Variants in CNTNAP4 observed in about 807,000 individuals in gnomAD.
The protein encoded by CNTNAP4 is contactin-associated protein-like 4.
A neutral mutation model predicts 148.4 loss-of-function variants in CNTNAP4; 98 were observed. The observed-to-expected ratio is 0.66, with a 90% CI of 0.56 to 0.78. The LOEUF is 0.78. Ranked by LOEUF, CNTNAP4 falls within the 30% of genes least tolerant of loss-of-function variation. The pLI, the probability that CNTNAP4 is intolerant of heterozygous loss-of-function variation, is 0.00. For synonymous variants in CNTNAP4, 730 were observed against 565.1 expected (o/e 1.29, Z -4.14); for missense variants, 1,935 against 1,565.6 (o/e 1.24, Z -3.98).
intron 2 of CNTNAP4, among the ~76,000 whole-genome samples, chr16:76,349,015 C>G (rs954260167): frequency 6.6e-6 from 1 of 151,808 alleles, no homozygotes; most frequent in Non-Finnish European, 1.5e-5. Context: ...AAGCGGTGAC[C>G]GTGAGAAGGA....
At chr16:76,491,856 G>GT (rs1948108550) in intron 13 of CNTNAP4, among the ~76,000 whole-genome samples, 5 of 16,188 alleles carry the variant, frequency 3.1e-4, no homozygotes, top group Middle Eastern at 0.056. Context: ...ATATCCCATT[G>GT]TGTGTGTGTG....
At chr16:76,333,282 T>C (rs374708422) in intron 2 of CNTNAP4, among the ~76,000 whole-genome samples, 4 of 152,164 alleles carry the variant, frequency 2.6e-5, no homozygotes, top group African/African-American at 4.8e-5. Context: ...GTCTCTTGTA[T>C]GTACTACGCT....
intron 2 of CNTNAP4, among the ~76,000 whole-genome samples, chr16:76,331,735 A>G (rs1200042462): frequency 1.3e-5 from 2 of 152,110 alleles, no homozygotes; most frequent in East Asian, 3.9e-4. Context: ...TGTCTTTTAA[A>G]TTATATAGGA....
chr16:76,550,840 G>T (rs2144382998), intron 21 of CNTNAP4, among the ~76,000 whole-genome samples: 1 of 152,104 alleles, frequency 6.6e-6, no homozygotes, highest in African/African-American at 2.4e-5. Flanking sequence ...CTGGATGTTG[G>T]CAGTCATCTT....
At chr16:76,330,514 A>G (rs565547898) in intron 2 of CNTNAP4, among the ~76,000 whole-genome samples, 50 of 152,342 alleles carry the variant, frequency 3.3e-4, no homozygotes, top group Non-Finnish European at 5.3e-4. Flanking sequence ...GCACTTGCCA[A>G]TATCCAGCTA....
At chr16:76,497,525 A>C (rs529346332) in intron 14 of CNTNAP4, among the ~76,000 whole-genome samples, 1 of 152,230 alleles carries the variant, frequency 6.6e-6, no homozygotes, top group South Asian at 2.1e-4. Context: ...ATAAAAAAGG[A>C]TGAGTTCATG....
chr16:76,529,022 A>G (rs548023261), intron 17 of CNTNAP4, among the ~76,000 whole-genome samples: 41 of 152,350 alleles, frequency 2.7e-4, no homozygotes, highest in African/African-American at 9.6e-4. Flanking sequence ...TGTATGACTA[A>G]GTGATAAGAA....
At chr16:76,480,409 C>G (rs8052409) in intron 12 of CNTNAP4, among the ~76,000 whole-genome samples, 12,237 of 151,958 alleles carry the variant, frequency 0.081, 1,478 homozygotes, top group African/African-American at 0.26. Context: ...GTTTCTACAC[C>G]GATAATTAGA....
intron 3 of CNTNAP4, among the ~76,000 whole-genome samples, chr16:76,384,097 G>C (rs1401344236): frequency 6.6e-6 from 1 of 151,982 alleles, no homozygotes; most frequent in Non-Finnish European, 1.5e-5. Flanking sequence ...AGGCTGGAGT[G>C]CAGTGGCACT....
intron 3 of CNTNAP4, among the ~76,000 whole-genome samples, chr16:76,376,446 A>C (rs946655757): frequency 1.3e-5 from 2 of 152,226 alleles, no homozygotes; most frequent in African/African-American, 2.4e-5. Flanking sequence ...ATGTCTTCTT[A>C]TTATAAAGGA....
intron 3 of CNTNAP4, among the ~76,000 whole-genome samples, chr16:76,392,667 C>A (rs1266240408): frequency 6.6e-6 from 1 of 152,086 alleles, no homozygotes; most frequent in Non-Finnish European, 1.5e-5. Flanking sequence ...GGGAAATGTG[C>A]CTCAGTCAAA....
intron 3 of CNTNAP4, among the ~76,000 whole-genome samples, chr16:76,387,330 T>C (rs776823701): frequency 6.6e-6 from 1 of 152,324 alleles, no homozygotes; most frequent in Non-Finnish European, 1.5e-5. Flanking sequence ...AACTGATATT[T>C]TGAGAGAAGC....
At chr16:76,292,040 G>T (rs1309520499) in intron 1 of CNTNAP4, among the ~76,000 whole-genome samples, 1 of 152,138 alleles carries the variant, frequency 6.6e-6, no homozygotes, top group Non-Finnish European at 1.5e-5. Flanking sequence ...TGAACTCATT[G>T]GTTGTCCATT....
intron 3 of CNTNAP4, among the ~76,000 whole-genome samples, chr16:76,383,837 G>A (rs78704302): frequency 2.0e-5 from 3 of 152,126 alleles, no homozygotes; most frequent in Non-Finnish European, 1.5e-5. Context: ...GGGTGTAGGC[G>A]AAATAAAATT....
At chr16:76,358,838 G>A (rs187894089) in intron 3 of CNTNAP4, among the ~76,000 whole-genome samples, 221 of 141,210 alleles carry the variant, frequency 1.6e-3, no homozygotes, top group African/African-American at 5.4e-3. Context: ...GAAAGTATAC[G>A]TATGTGTGTG....
chr16:76,433,797 G>C (rs1007284663), intron 4 of CNTNAP4, among the ~76,000 whole-genome samples: 1 of 152,016 alleles, frequency 6.6e-6, no homozygotes, highest in Non-Finnish European at 1.5e-5. Context: ...GCTAAAAGCT[G>C]GAGTAAGGTG....
intron 4 of CNTNAP4, among the ~76,000 whole-genome samples, chr16:76,427,998 T>C (rs778154443): frequency 6.6e-6 from 1 of 152,188 alleles, no homozygotes; most frequent in African/African-American, 2.4e-5. Context: ...CGTCATGTTA[T>C]GAAACCAAAA....
chr16:76,329,411 G>A (rs1284939359), intron 2 of CNTNAP4, among the ~76,000 whole-genome samples: 2 of 152,124 alleles, frequency 1.3e-5, no homozygotes, highest in African/African-American at 2.4e-5. Context: ...TTTGTTTATA[G>A]CTTTACTATT....
At position 76,498,693 on chromosome 16, in the gene CNTNAP4, C is replaced by T; in HGVS notation, c.2364C>T (p.Asp788=). The T allele has an allele frequency of 6.2e-7, 1 of 1,600,878 alleles. No individual in the cohort carries two copies. Among genetic ancestry groups the T allele is most frequent in the Non-Finnish European group, 8.5e-7 (1 of 1,175,038 alleles). ...TGGGGCCTCTGCTCTGCCAGGGAGA[C>T]AGTAAGTGGTTACAATGTGTTGAAA... ...YKLGPLLCQG[D]RSFWNSASFD... is the part of the protein sequence containing the mutation. Residue 788 remains aspartate, a splice_region_variant and synonymous_variant, in exon 15 of 24, where the codon GAC becomes GAT. Transcript: ENST00000611870.
Sources: allele counts gnomAD v4.1 joint callset (sites outside exome capture counted in the v4.1 genomes callset), GRCh38; gene constraint gnomAD v4.1.1; transcripts MANE v1.5; gene names NCBI Gene and HGNC (gene_info 2026-07-23, HGNC 2026-07-21).